CSMD1: variants seen among roughly 807,000 people sequenced by gnomAD.
CSMD1 encodes CUB and Sushi multiple domains 1.
Under a neutral mutation model 417.5 loss-of-function variants are expected in CSMD1, and 213 were observed. The observed-to-expected ratio is 0.51, with a 90% CI of 0.46 to 0.57. The LOEUF (loss-of-function observed/expected upper bound fraction) is 0.57. Ranked by LOEUF, CSMD1 falls within the 20% of genes least tolerant of loss-of-function variation. The pLI, the probability that CSMD1 is intolerant of heterozygous loss-of-function variation, is 0.00. For synonymous variants in CSMD1, 2,862 were observed against 1,736.8 expected (o/e 1.65, Z -16.11); for missense variants, 6,923 against 4,529.7 (o/e 1.53, Z -15.17).
intron 3 of CSMD1, among the ~76,000 whole-genome samples, chr8:4,154,411 C>A (rs1796722993): frequency 6.6e-6 from 1 of 152,124 alleles, no homozygotes; most frequent in African/African-American, 2.4e-5. Context: ...TAGACAAAGG[C>A]ATTTAGCAGA....
intron 49 of CSMD1, among the ~76,000 whole-genome samples, chr8:3,067,202 C>T (rs904564498): frequency 6.6e-6 from 1 of 152,070 alleles, no homozygotes; most frequent in Non-Finnish European, 1.5e-5. Context: ...ATTCCCAGGC[C>T]CCATGCGTGA....
chr8:4,088,530 T>C (rs1800542790), intron 3 of CSMD1, among the ~76,000 whole-genome samples: 1 of 152,192 alleles, frequency 6.6e-6, no homozygotes, highest in Non-Finnish European at 1.5e-5. Context: ...CTGGTTAGGA[T>C]GCAAAACTAA....
At chr8:4,553,173 T>C (rs1797944718) in intron 2 of CSMD1, among the ~76,000 whole-genome samples, 1 of 152,208 alleles carries the variant, frequency 6.6e-6, no homozygotes, top group African/African-American at 2.4e-5. Context: ...TTTTCAGTTG[T>C]CGCCTCCCTT....
intron 5 of CSMD1, among the ~76,000 whole-genome samples, chr8:3,846,610 C>G (rs1352327189): frequency 6.6e-6 from 1 of 152,212 alleles, no homozygotes; most frequent in East Asian, 1.9e-4. Flanking sequence ...CAAACATTAG[C>G]AGTTATTATC....
intron 3 of CSMD1, among the ~76,000 whole-genome samples, chr8:4,226,095 C>G (rs894681824): frequency 6.6e-6 from 1 of 151,758 alleles, no homozygotes; most frequent in African/African-American, 2.4e-5. Context: ...CACACACACA[C>G]ACACACACAC....
At chr8:3,345,099 G>T (rs1160148992) in intron 22 of CSMD1, among the ~76,000 whole-genome samples, 1 of 152,218 alleles carries the variant, frequency 6.6e-6, no homozygotes, top group African/African-American at 2.4e-5. Flanking sequence ...GTAATTGACA[G>T]AAATCCATAA....
chr8:3,859,943 T>C (rs1041194975), intron 5 of CSMD1, among the ~76,000 whole-genome samples: 3 of 152,196 alleles, frequency 2.0e-5, no homozygotes, highest in Admixed American at 2.0e-4. Flanking sequence ...TAGCTTTTCA[T>C]GAATTCCATG....
At chr8:3,664,898 A>G (rs1466871946) in intron 7 of CSMD1, among the ~76,000 whole-genome samples, 1 of 152,214 alleles carries the variant, frequency 6.6e-6, no homozygotes. Flanking sequence ...AAATTCCAAA[A>G]AATACATCAC....
At chr8:4,577,073 T>G (rs1181323922) in intron 2 of CSMD1, among the ~76,000 whole-genome samples, 2 of 152,232 alleles carry the variant, frequency 1.3e-5, no homozygotes, top group East Asian at 3.9e-4. Context: ...CAAAAATGAT[T>G]ATATGATAAT....
At chr8:4,125,096 C>G (rs1318783582) in intron 3 of CSMD1, among the ~76,000 whole-genome samples, 5 of 144,028 alleles carry the variant, frequency 3.5e-5, no homozygotes, top group Non-Finnish European at 7.5e-5. Context: ...TCCTTGAAGC[C>G]GGTGAGACCA....
chr8:3,314,806 G>A (rs558028955), intron 23 of CSMD1, among the ~76,000 whole-genome samples: 1 of 152,134 alleles, frequency 6.6e-6, no homozygotes, highest in Admixed American at 6.6e-5. Flanking sequence ...TCAAGTATTC[G>A]GATTAGTTCT....
At chr8:4,246,472 C>T (rs563547610) in intron 3 of CSMD1, among the ~76,000 whole-genome samples, 1 of 152,102 alleles carries the variant, frequency 6.6e-6, no homozygotes, top group Non-Finnish European at 1.5e-5. Flanking sequence ...ATCAATTGGT[C>T]TTGTTACAGA....
At chr8:3,441,510 TAC>T (rs71199578) in intron 12 of CSMD1, among the ~76,000 whole-genome samples, 61,426 of 146,522 alleles carry the variant, frequency 0.42, 13,331 homozygotes, top group Middle Eastern at 0.46. Flanking sequence ...TATATATATA[TAC>T]ACACACACAC....
chr8:2,972,806 C>G (rs1804572507), intron 57 of CSMD1, among the ~76,000 whole-genome samples: 1 of 152,194 alleles, frequency 6.6e-6, no homozygotes, highest in Non-Finnish European at 1.5e-5. Flanking sequence ...GAACCCCACT[C>G]ACTCACTGCC....
intron 17 of CSMD1, among the ~76,000 whole-genome samples, chr8:3,393,196 A>G (rs926306967): frequency 6.6e-6 from 1 of 152,176 alleles, no homozygotes; most frequent in African/African-American, 2.4e-5. Context: ...GAAGTTCACT[A>G]TATGCAAGTC....
At chr8:3,320,533 C>T (rs535139260) in intron 23 of CSMD1, among the ~76,000 whole-genome samples, 2 of 152,174 alleles carry the variant, frequency 1.3e-5, no homozygotes, top group East Asian at 3.9e-4. Context: ...TTTTTTTATT[C>T]TACAACTAAT....
At chr8:4,111,340 G>C (rs1585335527) in intron 3 of CSMD1, among the ~76,000 whole-genome samples, 1 of 152,170 alleles carries the variant, frequency 6.6e-6, no homozygotes, top group East Asian at 1.9e-4. Flanking sequence ...TACGAAAAAA[G>C]ACCTTGGGAA....
chr8:4,523,677 AG>A (rs1803612403), intron 2 of CSMD1, among the ~76,000 whole-genome samples: 1 of 152,144 alleles, frequency 6.6e-6, no homozygotes, highest in Non-Finnish European at 1.5e-5. Context: ...GGTCTACTAA[AG>A]GTCTGCTTAT....
At chr8:4,801,423 A>G (rs1383903163) in intron 1 of CSMD1, among the ~76,000 whole-genome samples, 2 of 151,970 alleles carry the variant, frequency 1.3e-5, no homozygotes, top group African/African-American at 4.8e-5. Flanking sequence ...TATTTCGGCC[A>G]GTCAGCTACT....
Sources: allele counts gnomAD v4.1 joint callset (sites outside exome capture counted in the v4.1 genomes callset), GRCh38; gene constraint gnomAD v4.1.1; transcripts MANE v1.5; gene names NCBI Gene and HGNC (gene_info 2026-07-23, HGNC 2026-07-21).